Variants in ADGRV1 observed in about 807,000 individuals in gnomAD.
ADGRV1 encodes the protein G-protein coupled receptor 98.
ADGRV1 carries 359 observed loss-of-function variants against 596.2 expected under a neutral mutation model. The ratio of observed to expected loss-of-function variants is 0.60; its 90% CI spans 0.55 to 0.66. ADGRV1 has a LOEUF of 0.66. Ranked by LOEUF, ADGRV1 falls within the 30% of genes least tolerant of loss-of-function variation. ADGRV1 has a pLI of 0.00. For synonymous variants in ADGRV1, 2,681 were observed against 2,679.2 expected (o/e 1.00, Z -0.02); for missense variants, 7,274 against 7,575.6 (o/e 0.96, Z 1.48).
At chr5:91,155,084 T>C (rs925434620) in intron 89 of ADGRV1, among the ~76,000 whole-genome samples, 1 of 152,182 alleles carries the variant, frequency 6.6e-6, no homozygotes, top group Admixed American at 6.5e-5. Flanking sequence ...TTGCTAGATA[T>C]TGCTGAATCC....
Position 90,774,269 on chromosome 5 carries a change from A to T in ADGRV1, c.12369A>T (p.Ile4123=). Residue 4123 remains isoleucine (I), a synonymous_variant, in exon 60 of 90, where the codon ATA becomes ATT. Coordinates refer to ENST00000405460, the MANE Select transcript of ADGRV1 (RefSeq NM_032119.4). ...ACAGGCGTTTCACCATTCAGCTGAT[A>T]TCAATTGATGAGGTAGAAATATCTC... The part of the protein sequence containing the change: ...EEDRRFTIQL[I]SIDEVEISPV... 1 of 1,599,728 alleles carries T rather than the reference A, an allele frequency of 6.3e-7. No individual in the cohort carries two copies. The highest frequency in any genetic ancestry group is 2.2e-5 in the East Asian group (1 of 44,756).
chr5:90,614,623 G>A (rs1195321162), intron 1 of ADGRV1: 17 of 589,186 alleles, frequency 2.9e-5, no homozygotes, highest in Non-Finnish European at 4.7e-5. Flanking sequence ...AAGTACTTCT[G>A]AATAGTAGAA....
At position 90,996,315 on chromosome 5, in the gene ADGRV1, GC is replaced by G. The variant is rs1212261589; in HGVS notation, c.18152+10796del. Among the ~76,000 whole-genome samples the G allele has an allele frequency of 2.6e-5, 4 of 152,122 alleles. No homozygotes were observed. In the South Asian group the frequency reaches 6.2e-4, roughly 24 times the overall value. On this transcript the variant is annotated intron_variant, in intron 85 of 89. Transcript: ENST00000405460. ...TCAGGACATGATACCCTGCATCCCAGCCCTTCCAGCTCCAGCTGTGGCAAAA... is the reference window on the plus strand; with the variant it reads ...TCAGGACATGATACCCTGCATCCCAGCCTTCCAGCTCCAGCTGTGGCAAAA...
chr5:90,882,634 C>A (rs368724503), intron 83 of ADGRV1, among the ~76,000 whole-genome samples: 7 of 152,158 alleles, frequency 4.6e-5, no homozygotes, highest in African/African-American at 1.4e-4. Flanking sequence ...GGTACACTCA[C>A]CCCCTTCCTG....
intron 87 of ADGRV1, among the ~76,000 whole-genome samples, chr5:91,133,793 G>A (rs145779347): frequency 1.6e-4 from 24 of 152,166 alleles, no homozygotes; most frequent in Admixed American, 4.6e-4. Context: ...TTTAATTCAG[G>A]ACTTAATTTG....
Position 90,788,055 on chromosome 5 carries a change from C to G in ADGRV1, c.13654-16C>G, listed in dbSNP as rs1164700431. ...ATCTCTATTAAAGAAATACCAAAAC[C>G]AAAAACATCCCGCAGGTGAACTGGG... On this transcript the variant is annotated splice_polypyrimidine_tract_variant and intron_variant, in intron 67 of 89. Transcript: ENST00000405460. The G allele has an allele frequency of 1.3e-6, 2 of 1,565,958 alleles. No homozygotes were observed. Among genetic ancestry groups the G allele is most frequent in the Admixed American group, 1.9e-5 (1 of 53,156 alleles).
intron 29 of ADGRV1, among the ~76,000 whole-genome samples, chr5:90,686,565 T>C (rs1745680209): frequency 6.6e-6 from 1 of 152,048 alleles, no homozygotes; most frequent in African/African-American, 2.4e-5. Context: ...TATGGCTGCA[T>C]AGTATTCCAT....
intron 21 of ADGRV1, among the ~76,000 whole-genome samples, chr5:90,665,998 T>C (rs1771297252): frequency 6.6e-6 from 1 of 151,350 alleles, no homozygotes; most frequent in African/African-American, 2.4e-5. Flanking sequence ...ATAATCTCTG[T>C]TCTTTTACAT....
intron 9 of ADGRV1, 83 bp downstream of exon 9, chr5:90,629,622 T>A: frequency 9.7e-7 from 1 of 1,025,716 alleles, no homozygotes; most frequent in Non-Finnish European, 1.4e-6. Flanking sequence ...TGAACATTAT[T>A]TTGACCTTGT....
chr5:91,148,988 T>G (rs1195816926), intron 87 of ADGRV1, among the ~76,000 whole-genome samples: 1 of 152,236 alleles, frequency 6.6e-6, no homozygotes, highest in African/African-American at 2.4e-5. Flanking sequence ...TTTGACCAAT[T>G]ACTCACATTT....
chr5:90,844,114 A>G (rs867991282), intron 78 of ADGRV1, among the ~76,000 whole-genome samples: 2 of 152,204 alleles, frequency 1.3e-5, no homozygotes, highest in African/African-American at 4.8e-5. Context: ...TCTAAAATTC[A>G]AATAAGGTCA....
intron 87 of ADGRV1, among the ~76,000 whole-genome samples, chr5:91,144,062 C>T (rs887903272): frequency 2.6e-5 from 4 of 152,068 alleles, no homozygotes; most frequent in South Asian, 2.1e-4. Flanking sequence ...GCAGTGGGAG[C>T]GGGCCTGCAG....
intron 1 of ADGRV1, among the ~76,000 whole-genome samples, chr5:90,596,048 G>C (rs1429300842): frequency 6.7e-6 from 1 of 150,070 alleles, no homozygotes; most frequent in Non-Finnish European, 1.5e-5. Flanking sequence ...TGGCTGCCGG[G>C]CGGAGGGTCT....
Position 91,050,545 on chromosome 5 carries a change from GAC to G in ADGRV1, c.18153-21900_18153-21899del, listed in dbSNP as rs552781032. 3.8e-3 allele frequency among the ~76,000 whole-genome samples: 572 copies of G among 152,236 alleles called. 2 individuals carry two copies. Among genetic ancestry groups the G allele is most frequent in the African/African-American group, 0.013 (527 of 41,514 alleles). On this transcript the variant is annotated intron_variant, in intron 85 of 89. Transcript: ENST00000405460. ...GTTGGATTCTGGCTTGGGTTTAAAA[GAC>G]AGTTTTTTGTTTTTTAAAAAAGTCT...
chr5:91,136,537 G>T (rs1479467517), intron 87 of ADGRV1, among the ~76,000 whole-genome samples: 1 of 152,162 alleles, frequency 6.6e-6, no homozygotes, highest in African/African-American at 2.4e-5. Flanking sequence ...AATCAACCAG[G>T]TTAAGGATGA....
At chr5:90,851,462 C>T (rs1183559186) in intron 79 of ADGRV1, among the ~76,000 whole-genome samples, 1 of 152,100 alleles carries the variant, frequency 6.6e-6, no homozygotes, top group Non-Finnish European at 1.5e-5. Flanking sequence ...ATTATTTATA[C>T]ATTGTCTTGA....
intron 83 of ADGRV1, among the ~76,000 whole-genome samples, chr5:90,927,697 T>C (rs1774658574): frequency 6.6e-6 from 1 of 152,144 alleles, no homozygotes. Flanking sequence ...GTGATTTTGC[T>C]CGTTAGTTGA....
rs77605683 is a variant in ADGRV1 at position 90,644,974 on chromosome 5, G to T, written c.2898+105G>T. 1.3e-3 allele frequency: 1,101 copies of T among 862,244 alleles called. 6 individuals are homozygous for T. In the African/African-American group the frequency reaches 0.018, roughly 14 times the overall value. 53.4% of individuals were successfully genotyped at this position (862,244 alleles called of 1,614,324 possible). A position where few individuals can be genotyped will look rare whatever the true frequency, so the allele number is the denominator to read the frequency against. ...GTAATATATTTTGTGATAAAAGTTT[G>T]TAATAAAGAACTCAGGTGTGACAGT... On this transcript the variant is annotated intron_variant, in intron 15 of 89. Transcript: ENST00000405460.
intron 75 of ADGRV1, among the ~76,000 whole-genome samples, chr5:90,816,368 GT>G (rs200869414): frequency 4.8e-5 from 7 of 146,962 alleles, no homozygotes; most frequent in African/African-American, 1.3e-4. Context: ...TTAATTTTCT[GT>G]TTTTTTTTAA....
Sources: allele counts gnomAD v4.1 joint callset (sites outside exome capture counted in the v4.1 genomes callset), GRCh38; gene constraint gnomAD v4.1.1; transcripts MANE v1.5; gene names NCBI Gene and HGNC (gene_info 2026-07-23, HGNC 2026-07-21).